The following RBFOX3 variants were observed in gnomAD, a reference collection of about 807,000 sequenced individuals.
RBFOX3 encodes RNA binding protein fox-1 homolog 3.
A neutral mutation model predicts 48.7 loss-of-function variants in RBFOX3; 17 were observed. The observed-to-expected ratio is 0.35, with a 90% confidence interval of 0.24 to 0.52. RBFOX3 has a LOEUF of 0.52. RBFOX3 is among the 20% of genes least tolerant of loss of function. The pLI is 0.94. For synonymous variants in RBFOX3, 212 were observed against 209.5 expected, an observed-to-expected ratio of 1.01 and a Z score of -0.10; for missense variants, 382 against 497.5, an observed-to-expected ratio of 0.77 and a Z score of 2.21.
At chr17:79,429,278 G>A (rs576828467) in intron 2 of RBFOX3, among the ~76,000 whole-genome samples, 42 of 152,200 alleles carry the variant, frequency 2.8e-4, no homozygotes, top group Non-Finnish European at 5.1e-4. Flanking sequence ...CCACACACCC[G>A]CACAGAGCCT....
chr17:79,469,861 GGGGAGAACGTGCACAA>G (rs1308370426), intron 2 of RBFOX3, among the ~76,000 whole-genome samples: 6 of 152,298 alleles, frequency 3.9e-5, no homozygotes, highest in East Asian at 3.9e-4. Context: ...AGGGTGCACA[GGGGAGAACGTGCACAA>G]GGGAGAACGT....
At chr17:79,433,091 C>T (rs1211102482) in intron 2 of RBFOX3, among the ~76,000 whole-genome samples, 1 of 152,182 alleles carries the variant, frequency 6.6e-6, no homozygotes, top group African/African-American at 2.4e-5. Flanking sequence ...GCCTGTGTCA[C>T]CACCAACACC....
intron 1 of RBFOX3, among the ~76,000 whole-genome samples, chr17:79,540,696 G>A (rs2089558957): frequency 6.6e-6 from 1 of 152,248 alleles, no homozygotes; most frequent in Non-Finnish European, 1.5e-5. Flanking sequence ...CGGGCCTGGA[G>A]CCGGTGTGGC....
intron 3 of RBFOX3, among the ~76,000 whole-genome samples, chr17:79,239,376 G>T (rs1244902022): frequency 6.6e-6 from 1 of 152,136 alleles, no homozygotes; most frequent in Non-Finnish European, 1.5e-5. Context: ...CCACTCAGCG[G>T]GATAATCAAT....
At chr17:79,188,106 C>G (rs796636335) in intron 4 of RBFOX3, among the ~76,000 whole-genome samples, 1 of 152,220 alleles carries the variant, frequency 6.6e-6, no homozygotes, top group Non-Finnish European at 1.5e-5. Context: ...AGGGATGAGC[C>G]GTCGGTGCAG....
At chr17:79,637,726 G>A in the RBFOX3 span, among the ~76,000 whole-genome samples, 2 of 111,790 alleles carry the variant, frequency 1.8e-5, no homozygotes, top group South Asian at 5.7e-4. Context: ...CGAAGGCGAA[G>A]GGAAGGGAGG....
intron 9 of RBFOX3, 62 bp downstream of exon 9, chr17:79,101,522 C>T: frequency 1.4e-6 from 2 of 1,431,294 alleles, no homozygotes; most frequent in South Asian, 2.4e-5. Context: ...GCCTCAGCTC[C>T]CCCAGGGCCT....
At chr17:79,166,155 C>G (rs1335272066) in intron 4 of RBFOX3, among the ~76,000 whole-genome samples, 1 of 152,182 alleles carries the variant, frequency 6.6e-6, no homozygotes, top group Non-Finnish European at 1.5e-5. Context: ...CTCCTGTTCC[C>G]CCCCCGGGCA....
chr17:79,358,768 C>T (rs543483635), intron 2 of RBFOX3, among the ~76,000 whole-genome samples: 2 of 152,320 alleles, frequency 1.3e-5, no homozygotes, highest in East Asian at 3.9e-4. Flanking sequence ...GCCTGGTTCT[C>T]TCTCTTTTCT....
At chr17:79,141,679 G>GT (rs1260179266) in intron 4 of RBFOX3, among the ~76,000 whole-genome samples, 1 of 152,162 alleles carries the variant, frequency 6.6e-6, no homozygotes, top group African/African-American at 2.4e-5. Flanking sequence ...GGGTCCCTCG[G>GT]TAAGTCCTTC....
intron 4 of RBFOX3, among the ~76,000 whole-genome samples, chr17:79,169,699 G>A (rs2048747916): frequency 2.0e-5 from 3 of 152,240 alleles, no homozygotes; most frequent in Admixed American, 2.0e-4. Flanking sequence ...GGGTGGGCTG[G>A]GAGGCTGCCA....
chr17:79,602,033 G>A (rs1203249991), intron 1 of RBFOX3: 1 of 152,234 alleles, frequency 6.6e-6, no homozygotes, highest in African/African-American at 2.4e-5. Context: ...TTAAAAGCAT[G>A]CAGATTCTAG....
rs376556854 is a variant in RBFOX3 at position 79,464,161 on chromosome 17, C to T, written c.-175+18293G>A. On this transcript the variant is annotated intron_variant, in intron 2 of 14. Transcript: ENST00000693108. Reference sequence around the variant, plus strand: ...GGGAAGACGCAGGAGTGCACCAGCTCCTCGTGCTCTGTGGCGAGGCCTCTG... The same window carrying T: ...GGGAAGACGCAGGAGTGCACCAGCTTCTCGTGCTCTGTGGCGAGGCCTCTG... Among the ~76,000 whole-genome samples the T allele has an allele frequency of 3.3e-5, 5 of 152,376 alleles. No individual in the cohort carries two copies. In the East Asian group the frequency reaches 5.8e-4, roughly 18 times the overall value.
At chr17:79,131,911 G>A (rs1568191707) in intron 4 of RBFOX3, among the ~76,000 whole-genome samples, 2 of 152,164 alleles carry the variant, frequency 1.3e-5, no homozygotes, top group Admixed American at 6.5e-5. Context: ...AGCGCCAGAC[G>A]AGGGGACAGA....
At chr17:79,420,127 A>T (rs1393139093) in intron 2 of RBFOX3, among the ~76,000 whole-genome samples, 6 of 55,270 alleles carry the variant, frequency 1.1e-4, no homozygotes, top group South Asian at 7.3e-4. Flanking sequence ...ACTCCGTCTC[A>T]TACACACACA....
chr17:79,626,471 G>A, the RBFOX3 span, among the ~76,000 whole-genome samples: 2 of 152,186 alleles, frequency 1.3e-5, no homozygotes, highest in African/African-American at 4.8e-5. Flanking sequence ...CGGTGTCTCC[G>A]GGGCTTAATA....
At chr17:79,280,902 G>A (rs1441718000) in intron 3 of RBFOX3, among the ~76,000 whole-genome samples, 6 of 151,912 alleles carry the variant, frequency 3.9e-5, no homozygotes, top group East Asian at 1.9e-4. Context: ...CATCCATCAC[G>A]TATTACTTAG....
chr17:79,341,953 T>G (rs371410088), intron 2 of RBFOX3, among the ~76,000 whole-genome samples: 28 of 152,312 alleles, frequency 1.8e-4, no homozygotes, highest in African/African-American at 6.7e-4. Context: ...TTTGGAAAAT[T>G]TTGGCTTTGG....
chr17:79,384,713 A>G (rs1568154322), intron 2 of RBFOX3, among the ~76,000 whole-genome samples: 1 of 152,314 alleles, frequency 6.6e-6, no homozygotes, highest in Non-Finnish European at 1.5e-5. Context: ...CTGCAGCCTC[A>G]TACACCAGCG....
Sources: allele counts gnomAD v4.1 joint callset (sites outside exome capture counted in the v4.1 genomes callset), GRCh38; gene constraint gnomAD v4.1.1; transcripts MANE v1.5; gene names NCBI Gene and HGNC (gene_info 2026-07-23, HGNC 2026-07-21).